The following SNX25 variants were observed in gnomAD, a reference collection of about 807,000 sequenced individuals.
SNX25 encodes the protein sorting nexin-25.
In SNX25, 62 loss-of-function variants were observed where a neutral mutation model predicts 113.7. The ratio of observed to expected loss-of-function variants is 0.55; its 90% CI spans 0.44 to 0.67. The LOEUF (loss-of-function observed/expected upper bound fraction) is 0.67, where lower values mean the gene tolerates loss of function less well. Ranked by LOEUF, SNX25 falls within the 30% of genes least tolerant of loss-of-function variation. SNX25 has a pLI of 0.00. For synonymous variants in SNX25, 421 were observed against 436.2 expected (o/e 0.97, Z 0.43); for missense variants, 1,014 against 1,161.0 (o/e 0.87, Z 1.84).
intron 15 of SNX25, among the ~76,000 whole-genome samples, chr4:185,357,393 A>G (rs576955828): frequency 6.6e-6 from 1 of 152,346 alleles, no homozygotes; most frequent in African/African-American, 2.4e-5. Flanking sequence ...GCCCAGGGAC[A>G]GATGAAGCAC....
At chr4:185,358,461 T>C (rs771781440) in intron 16 of SNX25, among the ~76,000 whole-genome samples, 4 of 152,232 alleles carry the variant, frequency 2.6e-5, no homozygotes, top group African/African-American at 4.8e-5. Flanking sequence ...TATTAGTTTC[T>C]AAGAAATTAT....
chr4:185,377,049 A>G, the SNX25 span: 4 of 1,396,562 alleles, frequency 2.9e-6, no homozygotes, highest in Non-Finnish European at 3.1e-6. Flanking sequence ...AATTCCATCA[A>G]CCACACAATA....
intron 6 of SNX25, among the ~76,000 whole-genome samples, chr4:185,302,305 G>A (rs975413881): frequency 4.6e-5 from 7 of 152,028 alleles, no homozygotes; most frequent in African/African-American, 1.7e-4. Context: ...ACTCAAAGAG[G>A]GGGCTGTGGG....
intron 1 of SNX25, among the ~76,000 whole-genome samples, chr4:185,213,738 A>G (rs1738311787): frequency 6.6e-6 from 1 of 152,254 alleles, no homozygotes; most frequent in African/African-American, 2.4e-5. Context: ...ATAGGGCAAG[A>G]ATGAATCCAT....
chr4:185,252,647 T>A (rs2126502573), intron 2 of SNX25, among the ~76,000 whole-genome samples: 1 of 152,334 alleles, frequency 6.6e-6, no homozygotes, highest in East Asian at 1.9e-4. Context: ...CATGTGTGTG[T>A]GTCTGCATGT....
chr4:185,330,071 G>T (rs937314272), intron 9 of SNX25, among the ~76,000 whole-genome samples: 4 of 152,166 alleles, frequency 2.6e-5, no homozygotes, highest in African/African-American at 4.8e-5. Context: ...TCAAAGACAG[G>T]TTTATTTTGG....
chr4:185,299,779 C>G (rs949257386), intron 6 of SNX25, among the ~76,000 whole-genome samples: 1 of 152,128 alleles, frequency 6.6e-6, no homozygotes, highest in Non-Finnish European at 1.5e-5. Context: ...CAGCATATCT[C>G]CCTTTAAAGC....
Position 185,209,802 on chromosome 4 carries a change from T to A in SNX25, c.-25T>A. On this transcript the variant is annotated 5_prime_UTR_variant, in exon 1 of 19. Transcript: ENST00000652585. The surrounding 1 kb of genome is among the most constrained non-coding windows in gnomAD (Gnocchi z 5.2). ...GGGACCGGGGGGCAGGAGATGTGCC[T>A]GTCCTTAGCGGCCCAGGAAGCAGCA... 2.0e-6 allele frequency: 2 copies of A among 983,538 alleles called. No homozygotes were observed. The highest frequency in any genetic ancestry group is 2.4e-6 in the Non-Finnish European group (2 of 829,268). 60.9% of individuals were successfully genotyped at this position (983,538 alleles called of 1,614,324 possible).
chr4:185,344,386 C>T (rs769654773), intron 12 of SNX25, among the ~76,000 whole-genome samples: 5 of 152,074 alleles, frequency 3.3e-5, no homozygotes, highest in East Asian at 1.9e-4. Flanking sequence ...GTGAAGCATC[C>T]GGCGCCACTG....
intron 6 of SNX25, among the ~76,000 whole-genome samples, chr4:185,307,647 C>A (rs1425904341): frequency 6.6e-6 from 1 of 152,218 alleles, no homozygotes; most frequent in African/African-American, 2.4e-5. Context: ...TTCCTCATAT[C>A]CAATGTCCAC....
intron 7 of SNX25, 99 bp downstream of exon 7, chr4:185,310,915 G>C: frequency 8.5e-7 from 1 of 1,173,166 alleles, no homozygotes; most frequent in South Asian, 1.7e-5. Flanking sequence ...ATTGAACTTA[G>C]ACATGTGTGC....
At position 185,276,332 on chromosome 4, in the gene SNX25, T is replaced by G. The variant is rs372819382; in HGVS notation, c.1091+9177T>G. On this transcript the variant is annotated intron_variant, in intron 5 of 18. Transcript: ENST00000652585. ...ATTAGACCAAGGATAGCAAATAGATTTAATCTTACTGTGAACAGTGATCAA... is the reference window on the plus strand; with the variant it reads ...ATTAGACCAAGGATAGCAAATAGATGTAATCTTACTGTGAACAGTGATCAA... 5.3e-5 allele frequency among the ~76,000 whole-genome samples: 8 copies of G among 152,354 alleles called. No individual in the cohort carries two copies. In the East Asian group the frequency reaches 1.3e-3, roughly 26 times the overall value.
chr4:185,225,368 C>T (rs1326144705), intron 1 of SNX25, among the ~76,000 whole-genome samples: 2 of 152,178 alleles, frequency 1.3e-5, no homozygotes, highest in Non-Finnish European at 2.9e-5. Flanking sequence ...TCGTGATCCG[C>T]CCACCTCGGC....
chr4:185,365,693 T>TAA (rs2095385450), downstream of SNX25: 1 of 128,212 alleles, frequency 7.8e-6, no homozygotes, highest in African/African-American at 3.2e-5. Context: ...AAAAAAAAAA[T>TAA]AATAATAATA....
chr4:185,375,488 ATATATATATAT>A, the SNX25 span: 3 of 8,598 alleles, frequency 3.5e-4, no homozygotes, highest in East Asian at 2.7e-3. Flanking sequence ...AAAAAAAAAA[ATATATATATAT>A]ATATATATAT....
intron 2 of SNX25, among the ~76,000 whole-genome samples, chr4:185,251,187 G>A (rs1324508003): frequency 6.6e-6 from 1 of 152,110 alleles, no homozygotes; most frequent in Non-Finnish European, 1.5e-5. Context: ...TAGAGACAGT[G>A]TTTCACCATG....
At chr4:185,344,646 G>T (rs1225409387) in intron 12 of SNX25, among the ~76,000 whole-genome samples, 1 of 152,186 alleles carries the variant, frequency 6.6e-6, no homozygotes, top group Admixed American at 6.5e-5. Context: ...AAGGAGGAAG[G>T]AGGAAGGAAA....
At chr4:185,351,697 T>C in intron 14 of SNX25, 88 bp downstream of exon 14, 1 of 1,381,034 alleles carries the variant, frequency 7.2e-7, no homozygotes, top group South Asian at 1.4e-5. Context: ...CAAATCCCTC[T>C]ATTTTCAGTC....
Position 185,346,582 on chromosome 4 carries a change from C to T in SNX25, c.2233C>T (p.Leu745=), listed in dbSNP as rs766940035. The change falls in exon 13 of 19, where the codon CTG becomes TTG. Residue 745 remains leucine, a synonymous_variant. Transcript: ENST00000652585. The part of the protein sequence containing the change: ...KKVQLPSLSK[L]PFKSIDQKFM... ...AGTCCAGTTGCCTTCTCTTAGCAAG[C>T]TGCCTTTCAAATCTATAGATCAAAA... The T allele has an allele frequency of 3.1e-6, 5 of 1,597,374 alleles. No individual in the cohort carries two copies. Among genetic ancestry groups the T allele is most frequent in the Non-Finnish European group, 4.3e-6 (5 of 1,175,752 alleles).
Sources: allele counts gnomAD v4.1 joint callset (sites outside exome capture counted in the v4.1 genomes callset), GRCh38; gene constraint gnomAD v4.1.1; non-coding constraint Gnocchi (gnomAD v3.1); transcripts MANE v1.5; gene names NCBI Gene and HGNC (gene_info 2026-07-23, HGNC 2026-07-21).